HDAC9: variants seen among roughly 807,000 people sequenced by gnomAD.
The protein encoded by HDAC9 is MEF-2 interacting transcription repressor (MITR) protein.
HDAC9 carries 41 observed loss-of-function variants against 139.4 expected under a neutral mutation model. The observed-to-expected ratio is 0.29, with a 90% CI of 0.23 to 0.38. The LOEUF (loss-of-function observed/expected upper bound fraction) is 0.38. HDAC9 is among the 10% of genes least tolerant of loss of function. HDAC9 has a pLI of 1.00. For synonymous variants in HDAC9, 517 were observed against 476.2 expected, an observed-to-expected ratio of 1.09 and a Z score of -1.12; for missense variants, 1,147 against 1,297.0, an observed-to-expected ratio of 0.88 and a Z score of 1.78.
chr7:18,225,332 C>G (rs1430484789), intron 2 of HDAC9, among the ~76,000 whole-genome samples: 1 of 152,178 alleles, frequency 6.6e-6, no homozygotes, highest in Non-Finnish European at 1.5e-5. Flanking sequence ...TTGGAGTTTT[C>G]AAAACCTCCT....
intron 1 of HDAC9, among the ~76,000 whole-genome samples, chr7:18,474,469 G>A (rs1489841984): frequency 6.6e-6 from 1 of 152,150 alleles, no homozygotes; most frequent in Non-Finnish European, 1.5e-5. Flanking sequence ...GATATCCAGG[G>A]AAACAAAGCA....
intron 11 of HDAC9, among the ~76,000 whole-genome samples, chr7:18,665,857 C>A (rs966118836): frequency 3.3e-5 from 5 of 152,034 alleles, no homozygotes; most frequent in African/African-American, 1.2e-4. Flanking sequence ...GTATTATTCC[C>A]AGGTTCAACT....
intron 16 of HDAC9, among the ~76,000 whole-genome samples, chr7:18,786,402 A>C (rs1458665485): frequency 2.0e-5 from 3 of 151,196 alleles, no homozygotes; most frequent in African/African-American, 4.9e-5. Flanking sequence ...GTAATGCCTA[A>C]TGTGAATAGT....
At chr7:18,457,529 T>G (rs912732959) in intron 1 of HDAC9, among the ~76,000 whole-genome samples, 1 of 152,226 alleles carries the variant, frequency 6.6e-6, no homozygotes, top group Non-Finnish European at 1.5e-5. Context: ...AAACTTTTAA[T>G]TGAGAGTTTC....
chr7:18,472,267 C>T (rs1292718259), intron 1 of HDAC9, among the ~76,000 whole-genome samples: 1 of 152,138 alleles, frequency 6.6e-6, no homozygotes, highest in Non-Finnish European at 1.5e-5. Flanking sequence ...CACAGATCAT[C>T]TTCAGACTGC....
chr7:18,173,212 G>T (rs575168024), intron 2 of HDAC9, among the ~76,000 whole-genome samples: 51 of 152,168 alleles, frequency 3.4e-4, no homozygotes, highest in East Asian at 7.8e-4. Context: ...GTAATGGCCT[G>T]CTTTGTCTCT....
At chr7:18,692,913 G>A (rs1782772380) in intron 12 of HDAC9, among the ~76,000 whole-genome samples, 1 of 151,976 alleles carries the variant, frequency 6.6e-6, no homozygotes, top group Non-Finnish European at 1.5e-5. Flanking sequence ...AAAGAAAATT[G>A]TCATATTCAG....
At chr7:18,236,284 C>A (rs1793808975) in intron 2 of HDAC9, among the ~76,000 whole-genome samples, 1 of 152,160 alleles carries the variant, frequency 6.6e-6, no homozygotes, top group African/African-American at 2.4e-5. Context: ...CTGTAATCGA[C>A]AAGTCTTCCA....
intron 23 of HDAC9, 68 bp downstream of exon 23, chr7:18,936,010 C>A: frequency 2.7e-6 from 4 of 1,475,366 alleles, no homozygotes; most frequent in Non-Finnish European, 1.8e-6. Context: ...TATTTTTAAA[C>A]TAAAAAAAAA....
chr7:18,590,743 AAATAATGT>A (rs1377174655), intron 4 of HDAC9, among the ~76,000 whole-genome samples: 1 of 152,156 alleles, frequency 6.6e-6, no homozygotes, highest in Non-Finnish European at 1.5e-5. Flanking sequence ...TGAACCTTAA[AAATAATGT>A]AATTCTAAAG....
At chr7:18,599,264 G>A (rs1291648821) in intron 6 of HDAC9, among the ~76,000 whole-genome samples, 1 of 152,154 alleles carries the variant, frequency 6.6e-6, no homozygotes, top group Non-Finnish European at 1.5e-5. Context: ...TTGCATCAAT[G>A]TGGTACATTT....
chr7:18,995,030 G>T (rs1228002649), intron 25 of HDAC9, among the ~76,000 whole-genome samples: 2 of 152,084 alleles, frequency 1.3e-5, no homozygotes, highest in African/African-American at 4.8e-5. Flanking sequence ...GACAGCAAAG[G>T]GACAAATCTA....
At chr7:18,932,576 A>C (rs1365143168) in intron 22 of HDAC9, among the ~76,000 whole-genome samples, 1 of 152,104 alleles carries the variant, frequency 6.6e-6, no homozygotes, top group Non-Finnish European at 1.5e-5. Flanking sequence ...ATTGCAAAAG[A>C]GGGTCAGAGG....
rs905993887 is a variant in HDAC9 at position 18,748,223 on chromosome 7, T to C, written c.1910-782T>C. Among the ~76,000 whole-genome samples, 18 of 152,328 alleles carry C rather than the reference T, an allele frequency of 1.2e-4. No homozygotes were observed. In the East Asian group the frequency reaches 2.3e-3, roughly 20 times the overall value. ...TAAGTTCTGCTAATAATTCATCTTATCATGTTATTATACAGTCTTTCCCAT... is the reference window on the plus strand; with the variant it reads ...TAAGTTCTGCTAATAATTCATCTTACCATGTTATTATACAGTCTTTCCCAT... On this transcript the variant is annotated intron_variant, in intron 13 of 25. Coordinates refer to ENST00000686413, the MANE Select transcript of HDAC9 (RefSeq NM_178425.4).
At chr7:18,348,485 AT>A (rs920161110) in intron 1 of HDAC9, among the ~76,000 whole-genome samples, 1 of 152,050 alleles carries the variant, frequency 6.6e-6, no homozygotes, top group African/African-American at 2.4e-5. Context: ...GAAATGCTTA[AT>A]TTTTCTGAAA....
intron 12 of HDAC9, among the ~76,000 whole-genome samples, chr7:18,723,121 T>A (rs1785262032): frequency 6.6e-6 from 1 of 152,154 alleles, no homozygotes; most frequent in Admixed American, 6.6e-5. Flanking sequence ...TTTCTCATAT[T>A]TTTTTTCTCA....
intron 2 of HDAC9, among the ~76,000 whole-genome samples, chr7:18,278,780 C>A (rs986272124): frequency 6.6e-6 from 1 of 152,066 alleles, no homozygotes; most frequent in Non-Finnish European, 1.5e-5. Context: ...GAGACATAAT[C>A]TCTTATGCAC....
rs1440098199 is a variant in HDAC9 at position 18,797,058 on chromosome 7, C to T, written c.2322+3606C>T. On this transcript the variant is annotated intron_variant, in intron 17 of 25. Transcript: ENST00000686413. ...GATGTCATGTTGCTAATAATAACTG[C>T]TACTCATTGAGTGCCTTCTATAGGC... 5.9e-5 allele frequency among the ~76,000 whole-genome samples: 9 copies of T among 152,310 alleles called. No individual in the cohort carries two copies. The South Asian group carries it at 1.9e-3, about 32-fold the overall frequency.
chr7:18,557,147 A>G (rs1310558841), intron 2 of HDAC9, among the ~76,000 whole-genome samples: 1 of 152,032 alleles, frequency 6.6e-6, no homozygotes, highest in African/African-American at 2.4e-5. Flanking sequence ...CAGCTACTGC[A>G]GGAATTGTAT....
Sources: gnomAD v4.1 joint callset for allele counts (sites outside exome capture counted in the v4.1 genomes callset) on GRCh38, gnomAD v4.1.1 for gene constraint, MANE v1.5 for transcripts, NCBI Gene and HGNC (gene_info 2026-07-23, HGNC 2026-07-21) for gene names.